Variants in COL4A4 observed in about 807,000 individuals in gnomAD.
COL4A4 encodes the protein collagen alpha-4(IV) chain.
Under a neutral mutation model 192.9 loss-of-function variants are expected in COL4A4, and 105 were observed. The observed-to-expected ratio is 0.54, with a 90% CI of 0.46 to 0.64. COL4A4 has a LOEUF of 0.64. COL4A4 is among the 30% of genes least tolerant of loss of function. The pLI is 0.00. For synonymous variants in COL4A4, 762 were observed against 769.9 expected (o/e 0.99, Z 0.17); for missense variants, 1,967 against 2,169.3 (o/e 0.91, Z 1.85).
chr2:227,049,799 G>T (rs1325578145), intron 34 of COL4A4, among the ~76,000 whole-genome samples: 1 of 152,234 alleles, frequency 6.6e-6, no homozygotes, highest in African/African-American at 2.4e-5. Context: ...AGGGGCTGCA[G>T]TCACTCCATG....
In COL4A4 at chr2:227,077,956, C is replaced by CCT. The variant is rs2059122469; in HGVS notation, c.1923_1924dup (p.Gly642GlufsTer12). 2 of 1,613,658 alleles carry CCT rather than the reference C, an allele frequency of 1.2e-6. No individual in the cohort carries two copies. The highest frequency in any genetic ancestry group is 1.7e-6 in the Non-Finnish European group (2 of 1,180,026). On this transcript the variant is annotated frameshift_variant, in exon 25 of 48. Coordinates refer to ENST00000396625, the MANE Select transcript of COL4A4 (RefSeq NM_000092.5). LOFTEE classifies it high-confidence loss of function. The stretch of plus-strand genomic sequence containing the variant: ...TGGGTGGCCTGGAACTCCTGGGTGG[C>CCT]CTCGCTCTCCTGGTGGACCAGGAAA...
In COL4A4 at chr2:227,008,138, G is replaced by C. The variant is rs1266425452; in HGVS notation, c.4689C>G (p.Val1563=). 6.2e-7 allele frequency: 1 copy of C among 1,614,026 alleles called. No individual in the cohort carries two copies. Among genetic ancestry groups the C allele is most frequent in the South Asian group, 1.1e-5 (1 of 91,076 alleles). The change falls in exon 47 of 48, where the codon GTC becomes GTG. Residue 1563 remains valine, a synonymous_variant. Transcript: ENST00000396625. ...GGGCCTCGCATACCGCACAGCGGCT[G>C]ACATAGGGGCGGATCGCCTCTTCAG... ...PLSEEAIRPY[V]SRCAVCEAPA...
chr2:227,120,678 C>T (rs1216172433), intron 5 of COL4A4: 1 of 299,844 alleles, frequency 3.3e-6, no homozygotes, highest in Non-Finnish European at 6.5e-6. Context: ...TGGCCAACGC[C>T]TGTAATTACA....
At chr2:226,992,980 AGT>A in the COL4A4 span, among the ~76,000 whole-genome samples, 4 of 152,168 alleles carry the variant, frequency 2.6e-5, no homozygotes, top group Admixed American at 6.5e-5. Flanking sequence ...TATAAAGAAG[AGT>A]GTGATGATTA....
At chr2:227,144,808 C>T (rs2063440359) in intron 2 of COL4A4, among the ~76,000 whole-genome samples, 1 of 152,024 alleles carries the variant, frequency 6.6e-6, no homozygotes, top group Admixed American at 6.6e-5. Flanking sequence ...GTGCTGGGGA[C>T]CGTGAGGACC....
At chr2:226,977,391 G>A in the COL4A4 span, among the ~76,000 whole-genome samples, 1 of 152,194 alleles carries the variant, frequency 6.6e-6, no homozygotes, top group Non-Finnish European at 1.5e-5. Flanking sequence ...GAATTCATGA[G>A]AATGTTACGT....
chr2:227,073,317 A>C (rs2058828993), intron 25 of COL4A4, among the ~76,000 whole-genome samples: 1 of 152,084 alleles, frequency 6.6e-6, no homozygotes, highest in African/African-American at 2.4e-5. Context: ...AACTAAAATA[A>C]AATAACTAAA....
intron 25 of COL4A4, among the ~76,000 whole-genome samples, chr2:227,062,821 G>A (rs893681265): frequency 2.6e-5 from 4 of 151,956 alleles, no homozygotes; most frequent in Non-Finnish European, 4.4e-5. Context: ...AGTTATAAAC[G>A]TAAGAAAAGA....
the COL4A4 span, among the ~76,000 whole-genome samples, chr2:226,991,037 G>A: frequency 2.0e-5 from 3 of 152,226 alleles, no homozygotes; most frequent in African/African-American, 7.2e-5. Context: ...GCTGCTTAAT[G>A]AAAGTCATTA....
intron 30 of COL4A4, 72 bp from the exon 31 acceptor site, chr2:227,054,809 G>A (rs1974936616): frequency 2.7e-6 from 4 of 1,490,146 alleles, no homozygotes; most frequent in Non-Finnish European, 3.7e-6. Context: ...GGTGGGAGGT[G>A]GACAGAGTCT....
At chr2:227,008,405 A>T (rs1397634358) in intron 46 of COL4A4, 101 bp from the exon 47 acceptor site, 3 of 1,332,130 alleles carry the variant, frequency 2.3e-6, no homozygotes, top group Non-Finnish European at 3.2e-6. Context: ...CGTGTTCTGA[A>T]ATCTGGAGGC....
chr2:226,986,877 C>T, the COL4A4 span, among the ~76,000 whole-genome samples: 2,295 of 152,296 alleles, frequency 0.015, 47 homozygotes, highest in African/African-American at 0.053. Flanking sequence ...GACACATGCA[C>T]GTGTGTGCTT....
intron 17 of COL4A4, among the ~76,000 whole-genome samples, chr2:227,100,527 T>C (rs2060450744): frequency 6.6e-6 from 1 of 152,216 alleles, no homozygotes; most frequent in African/African-American, 2.4e-5. Context: ...TTAGAGATTA[T>C]AAGTAACCTA....
chr2:227,080,412 A>C (rs1201705380), intron 24 of COL4A4, 31 bp downstream of exon 24: 2 of 1,577,720 alleles, frequency 1.3e-6, no homozygotes, highest in Admixed American at 3.3e-5. Context: ...AAGAAAGTGA[A>C]ATTCTATAGC....
At chr2:227,091,337 G>A (rs1266838898) in intron 20 of COL4A4, among the ~76,000 whole-genome samples, 2 of 151,194 alleles carry the variant, frequency 1.3e-5, no homozygotes, top group Non-Finnish European at 2.9e-5. Flanking sequence ...AAAAATTCAG[G>A]TGAAGGGTTG....
intron 1 of COL4A4, among the ~76,000 whole-genome samples, chr2:227,162,357 A>C (rs547329452): frequency 6.6e-6 from 1 of 152,344 alleles, no homozygotes; most frequent in East Asian, 1.9e-4. Flanking sequence ...TGGCAAAGAG[A>C]AGCATTTAAC....
At chr2:226,998,045 T>A (rs1959900137), downstream of COL4A4, 2 of 152,224 alleles carry the variant, frequency 1.3e-5, no homozygotes, top group Non-Finnish European at 1.5e-5. Context: ...GCTAATTTTT[T>A]AATTTGGTTT....
At chr2:227,100,987 T>C (rs1471700402) in intron 17 of COL4A4, among the ~76,000 whole-genome samples, 1 of 151,990 alleles carries the variant, frequency 6.6e-6, no homozygotes, top group Non-Finnish European at 1.5e-5. Flanking sequence ...TTTTTGTATT[T>C]TTAGTAGAGA....
At chr2:227,072,974 G>C (rs1165625330) in intron 25 of COL4A4, among the ~76,000 whole-genome samples, 2 of 151,974 alleles carry the variant, frequency 1.3e-5, no homozygotes, top group African/African-American at 2.4e-5. Context: ...CATTCCCCCT[G>C]AGAACAGGAA....
Sources: allele counts gnomAD v4.1 joint callset (sites outside exome capture counted in the v4.1 genomes callset), GRCh38; gene constraint gnomAD v4.1.1; transcripts MANE v1.5; gene names NCBI Gene and HGNC (gene_info 2026-07-23, HGNC 2026-07-21).